Variants in PHKB observed in about 807,000 individuals in gnomAD.
PHKB encodes the protein phosphorylase kinase regulatory subunit beta.
In PHKB, 122 loss-of-function variants were observed where a neutral mutation model predicts 152.1. That is an observed-to-expected ratio of 0.80 (90% CI 0.69 to 0.93). The LOEUF is 0.93. Among genes scored for constraint, PHKB ranks in the 40% least tolerant of loss-of-function variants. The probability of loss-of-function intolerance (pLI) is 0.00; values close to 1 mark genes in which losing one functional copy is unlikely to be tolerated. For missense variants in PHKB, 1,304 were observed against 1,328.4 expected (o/e 0.98, Z 0.29); for synonymous variants, 436 against 464.9 (o/e 0.94, Z 0.80).
At chr16:47,524,906 C>T (rs990371638) in intron 6 of PHKB, among the ~76,000 whole-genome samples, 1 of 152,126 alleles carries the variant, frequency 6.6e-6, no homozygotes, top group Non-Finnish European at 1.5e-5. Context: ...GAAAATTCTA[C>T]TTGACTCACT....
At position 47,547,137 on chromosome 16, in the gene PHKB, G is replaced by A. The variant is rs905159630; in HGVS notation, c.595-296G>A. Among the ~76,000 whole-genome samples the A allele has an allele frequency of 6.6e-5, 10 of 152,302 alleles. 1 individual carries two copies. In the East Asian group the frequency reaches 1.2e-3, roughly 18 times the overall value. ...CCACTGTCCGACTATTCCCAATGAGGTGAACCGGTTATCTCAGTTGGAAAT... is the reference window on the plus strand; with the variant it reads ...CCACTGTCCGACTATTCCCAATGAGATGAACCGGTTATCTCAGTTGGAAAT... On this transcript the variant is annotated intron_variant, in intron 6 of 30. Transcript: ENST00000323584.
At chr16:47,570,443 G>T (rs1003273490) in intron 7 of PHKB, among the ~76,000 whole-genome samples, 1 of 152,082 alleles carries the variant, frequency 6.6e-6, no homozygotes, top group Admixed American at 6.5e-5. Context: ...TGTTTTACAT[G>T]GTCCCGTATT....
chr16:47,581,649 A>G (rs1444406159), intron 8 of PHKB, among the ~76,000 whole-genome samples: 1 of 152,194 alleles, frequency 6.6e-6, no homozygotes, highest in African/African-American at 2.4e-5. Flanking sequence ...TTAAACTTTT[A>G]ATAAATGCCA....
At chr16:47,566,781 C>A in intron 7 of PHKB, 1 of 738,972 alleles carries the variant, frequency 1.4e-6, no homozygotes. Context: ...ATGAGCCCAG[C>A]TGACTGGTTT....
rs528890227 is a variant in PHKB at position 47,689,881 on chromosome 16, G to C, written c.2765+706G>C. 9.3e-4 allele frequency among the ~76,000 whole-genome samples: 141 copies of C among 152,304 alleles called. 1 individual carries two copies. The highest frequency in any genetic ancestry group is 3.2e-3 in the African/African-American group (135 of 41,562). On this transcript the variant is annotated intron_variant, in intron 27 of 30. Transcript: ENST00000323584. ...TAAATAGGAACATTCATGTTATAAA[G>C]ATGTCAGTTGTAAATATAATTCAAT... is the stretch of plus-strand genomic sequence containing the variant.
chr16:47,689,294 C>A, intron 27 of PHKB, 119 bp downstream of exon 27: 1 of 915,692 alleles, frequency 1.1e-6, no homozygotes, highest in Non-Finnish European at 1.7e-6. Flanking sequence ...AACAGAGTGT[C>A]AGAGGCCACC....
At chr16:47,650,688 G>A in intron 19 of PHKB, 62 bp downstream of exon 19, 1 of 1,304,410 alleles carries the variant, frequency 7.7e-7, no homozygotes, top group African/African-American at 1.5e-5. Context: ...TGAGCCCTTG[G>A]GAAGAAAGGC....
intron 13 of PHKB, among the ~76,000 whole-genome samples, chr16:47,600,135 T>G (rs1972196088): frequency 2.0e-5 from 3 of 152,224 alleles, no homozygotes; most frequent in Non-Finnish European, 2.9e-5. Flanking sequence ...TCTAATAATA[T>G]TTTGCTTTAT....
chr16:47,630,481 A>C (rs1972807793), intron 14 of PHKB, among the ~76,000 whole-genome samples: 1 of 144,076 alleles, frequency 6.9e-6, no homozygotes, highest in Non-Finnish European at 1.5e-5. Flanking sequence ...AAACTGTCGC[A>C]AAAAAAAAAA....
chr16:47,539,165 T>C lies in PHKB; in HGVS notation c.595-8268T>C, dbSNP rs567920884. On this transcript the variant is annotated intron_variant, in intron 6 of 30. Coordinates refer to ENST00000323584, the MANE Select transcript of PHKB (RefSeq NM_000293.3). ...TTTTGAGAGTATAAATTTTGTCACATGTCTGAAATCTTTACATGGAAGCTC... is the reference window on the plus strand; with the variant it reads ...TTTTGAGAGTATAAATTTTGTCACACGTCTGAAATCTTTACATGGAAGCTC... Among the ~76,000 whole-genome samples, 13 of 152,304 alleles carry C rather than the reference T, an allele frequency of 8.5e-5. 1 individual carries two copies. In the South Asian group the frequency reaches 2.7e-3, roughly 32 times the overall value.
chr16:47,601,681 G>T lies in PHKB; in HGVS notation c.1363+5150G>T, dbSNP rs569985406. 7.9e-5 allele frequency among the ~76,000 whole-genome samples: 12 copies of T among 151,872 alleles called. No homozygotes were observed. The East Asian group carries it at 2.3e-3, about 30-fold the overall frequency. Reference sequence around the variant, plus strand: ...GATCATGCCACTGCACTCCAGCCTGGGTGACAGAGCAAGACTCCATCTCAA... The same window carrying T: ...GATCATGCCACTGCACTCCAGCCTGTGTGACAGAGCAAGACTCCATCTCAA... On this transcript the variant is annotated intron_variant, in intron 13 of 30. Coordinates refer to ENST00000323584, the MANE Select transcript of PHKB (RefSeq NM_000293.3).
chr16:47,564,745 C>A (rs1971535985), intron 7 of PHKB, among the ~76,000 whole-genome samples: 1 of 152,116 alleles, frequency 6.6e-6, no homozygotes, highest in Non-Finnish European at 1.5e-5. Context: ...AGACTTATGT[C>A]TTTAATCCAT....
chr16:47,616,669 A>G (rs1054645030), intron 14 of PHKB, among the ~76,000 whole-genome samples: 221 of 146,310 alleles, frequency 1.5e-3, no homozygotes, highest in African/African-American at 2.0e-3. Context: ...ATTAATATAT[A>G]ATATTTTACA....
intron 3 of PHKB, among the ~76,000 whole-genome samples, chr16:47,501,081 A>G (rs987578917): frequency 6.6e-6 from 1 of 152,224 alleles, no homozygotes; most frequent in Non-Finnish European, 1.5e-5. Flanking sequence ...TAAAACTGGT[A>G]CTGATCTTAG....
chr16:47,574,310 T>C (rs1971714557), intron 7 of PHKB, among the ~76,000 whole-genome samples: 2 of 152,190 alleles, frequency 1.3e-5, no homozygotes, highest in Non-Finnish European at 2.9e-5. Flanking sequence ...CCAGTGTCAA[T>C]GTGTAATCAT....
intron 18 of PHKB, 95 bp downstream of exon 18, chr16:47,649,299 C>T (rs1386035101): frequency 1.3e-6 from 1 of 783,892 alleles, no homozygotes; most frequent in African/African-American, 1.7e-5. Context: ...GTATCTGTGA[C>T]ACTGGGTTAA....
At chr16:47,492,908 C>T (rs12931879) in intron 1 of PHKB, among the ~76,000 whole-genome samples, 48,681 of 152,172 alleles carry the variant, frequency 0.32, 8,145 homozygotes, top group Non-Finnish European at 0.38. Flanking sequence ...GTCCTTGTCA[C>T]ACAACCATGA....
At chr16:47,519,531 C>T (rs1970651574) in intron 6 of PHKB, among the ~76,000 whole-genome samples, 1 of 152,318 alleles carries the variant, frequency 6.6e-6, no homozygotes, top group Middle Eastern at 3.4e-3. Context: ...GCCTCAGTTT[C>T]TCCCCAGCTG....
At chr16:47,505,911 T>G (rs756925902) in intron 4 of PHKB, among the ~76,000 whole-genome samples, 6 of 150,022 alleles carry the variant, frequency 4.0e-5, no homozygotes, top group Admixed American at 6.7e-5. Context: ...TGCGCACCCA[T>G]AGTCCCACCT....
Sources: gnomAD v4.1 joint callset for allele counts (sites outside exome capture counted in the v4.1 genomes callset) on GRCh38, gnomAD v4.1.1 for gene constraint, MANE v1.5 for transcripts, NCBI Gene and HGNC (gene_info 2026-07-23, HGNC 2026-07-21) for gene names.